Variants in TUSC7 observed in about 807,000 individuals in gnomAD.
The protein encoded by TUSC7 is tumor suppressor candidate 7, also known as LSAMP antisense RNA 3.
chr3:116,715,741 T>C (rs1279588586), intron 1 of TUSC7, among the ~76,000 whole-genome samples: 1 of 152,188 alleles, frequency 6.6e-6, no homozygotes, highest in Non-Finnish European at 1.5e-5. Flanking sequence ...ATGTATCTTT[T>C]GCAAATATTT....
intron 1 of TUSC7, chr3:116,714,295 A>G (rs1012914191): frequency 6.6e-6 from 1 of 152,216 alleles, no homozygotes; most frequent in Non-Finnish European, 1.5e-5. Flanking sequence ...CCAAATGTGT[A>G]TTCTTAATCT....
chr3:116,711,749 T>G (rs1428405597), intron 1 of TUSC7, among the ~76,000 whole-genome samples: 1 of 152,140 alleles, frequency 6.6e-6, no homozygotes, highest in Non-Finnish European at 1.5e-5. Context: ...GAAACTCAGT[T>G]TCAATAAAGC....
intron 1 of TUSC7, among the ~76,000 whole-genome samples, chr3:116,711,231 C>A (rs920740109): frequency 6.6e-6 from 1 of 152,108 alleles, no homozygotes; most frequent in Non-Finnish European, 1.5e-5. Flanking sequence ...TAAGGGCATG[C>A]AGATTTATTT....
chr3:116,713,791 C>T (rs1007445119), intron 1 of TUSC7, among the ~76,000 whole-genome samples: 1 of 152,102 alleles, frequency 6.6e-6, no homozygotes, highest in South Asian at 2.1e-4. Flanking sequence ...CATGGCAAAA[C>T]CCTGTCTCTA....
At chr3:116,714,845 A>G (rs904546913) in intron 1 of TUSC7, among the ~76,000 whole-genome samples, 2 of 152,168 alleles carry the variant, frequency 1.3e-5, no homozygotes, top group African/African-American at 4.8e-5. Flanking sequence ...ATAATCACAC[A>G]AAGTCCATAG....
exon 1 of TUSC7, chr3:116,709,821 G>A (rs1478010509): frequency 6.6e-6 from 1 of 152,090 alleles, no homozygotes; most frequent in Non-Finnish European, 1.5e-5. Context: ...CTTTTCCTCT[G>A]GGAACAGATC....
At chr3:116,714,290 T>C (rs754704121) in intron 1 of TUSC7, 1 of 152,200 alleles carries the variant, frequency 6.6e-6, no homozygotes, top group African/African-American at 2.4e-5. Flanking sequence ...TTGCACCAAA[T>C]GTGTATTCTT....
intron 1 of TUSC7, chr3:116,709,923 C>A (rs772813787): frequency 1.3e-5 from 2 of 151,944 alleles, no homozygotes; most frequent in Non-Finnish European, 2.9e-5. Context: ...GATAATGTGT[C>A]CTAAAATGTA....
chr3:116,715,135 T>G (rs1006178601), intron 1 of TUSC7, among the ~76,000 whole-genome samples: 2 of 152,222 alleles, frequency 1.3e-5, no homozygotes, highest in Admixed American at 1.3e-4. Context: ...GCATTTAAGA[T>G]TTCTCCATGC....
chr3:116,715,597 G>A (rs887924642), intron 1 of TUSC7, among the ~76,000 whole-genome samples: 2 of 152,058 alleles, frequency 1.3e-5, no homozygotes, highest in Non-Finnish European at 2.9e-5. Context: ...ATTTTCATAT[G>A]CTTATTTGCC....
intron 1 of TUSC7, chr3:116,714,126 T>C (rs942998856): frequency 1.3e-5 from 2 of 151,498 alleles, no homozygotes; most frequent in African/African-American, 4.8e-5. Context: ...AAAGCATCTA[T>C]TACCATAATA....
At chr3:116,714,021 T>C (rs1301704708) in intron 1 of TUSC7, 2 of 152,116 alleles carry the variant, frequency 1.3e-5, no homozygotes, top group Admixed American at 1.3e-4. Context: ...ATGTTTCCTT[T>C]TTTTCTGGTT....
At chr3:116,715,310 G>A (rs1021546148) in intron 1 of TUSC7, among the ~76,000 whole-genome samples, 1 of 152,166 alleles carries the variant, frequency 6.6e-6, no homozygotes, top group African/African-American at 2.4e-5. Context: ...TTTTTGTGTG[G>A]ATATGCTTAT....
chr3:116,714,813 A>G (rs1041529720), intron 1 of TUSC7, among the ~76,000 whole-genome samples: 2 of 152,206 alleles, frequency 1.3e-5, no homozygotes, highest in Non-Finnish European at 2.9e-5. Flanking sequence ...ATCTGTTACA[A>G]TTGATGAACC....
intron 1 of TUSC7, among the ~76,000 whole-genome samples, chr3:116,711,139 T>A (rs1247577010): frequency 6.6e-6 from 1 of 152,196 alleles, no homozygotes; most frequent in African/African-American, 2.4e-5. Flanking sequence ...ACTAGGCCAA[T>A]ATCTAAGAAT....
intron 1 of TUSC7, chr3:116,716,827 A>C (rs1195708778): frequency 6.6e-6 from 1 of 151,646 alleles, no homozygotes; most frequent in Non-Finnish European, 1.5e-5. Context: ...TTCTTGCCGG[A>C]CTCTTTTCTG....
intron 1 of TUSC7, chr3:116,710,094 G>A (rs1049097721): frequency 2.6e-5 from 4 of 152,046 alleles, no homozygotes; most frequent in African/African-American, 9.7e-5. Flanking sequence ...TGAACACTTA[G>A]AATAAAAATT....
intron 1 of TUSC7, among the ~76,000 whole-genome samples, chr3:116,713,667 T>C (rs1459514495): frequency 2.0e-5 from 3 of 152,150 alleles, no homozygotes; most frequent in Non-Finnish European, 4.4e-5. Flanking sequence ...CTTTTGCATA[T>C]CTAAGAAGCT....
intron 1 of TUSC7, among the ~76,000 whole-genome samples, chr3:116,712,187 T>C (rs551936301): frequency 6.6e-6 from 1 of 152,364 alleles, no homozygotes; most frequent in African/African-American, 2.4e-5. Flanking sequence ...TGTGTTTTCT[T>C]ATCTTATTAA....
Sources: gnomAD v4.1 joint callset for allele counts (sites outside exome capture counted in the v4.1 genomes callset) on GRCh38, gnomAD v4.1.1 for gene constraint, MANE v1.5 for transcripts, NCBI Gene and HGNC (gene_info 2026-07-23, HGNC 2026-07-21) for gene names.